Variants in SATB2 observed in about 807,000 individuals in gnomAD.
SATB2 encodes DNA-binding protein SATB2.
In SATB2, 1 loss-of-function variant was observed where a neutral mutation model predicts 73.4. The ratio of observed to expected loss-of-function variants is 0.01; its 90% confidence interval spans 0.00 to 0.06. The LOEUF (loss-of-function observed/expected upper bound fraction) is 0.06. Among genes scored for constraint, SATB2 ranks in the 10% least tolerant of loss-of-function variants. The pLI is 1.00. For synonymous variants in SATB2, 397 were observed against 367.0 expected (o/e 1.08, Z -0.93); for missense variants, 459 against 945.8 (o/e 0.49, Z 6.75).
rs1316755019 is a variant in SATB2 at position 199,463,490 on chromosome 2, C to G, written c.-141+1346G>C. ...GAAGAGCCCCGAGGCCTCGGCTTGG[C>G]GTCAATGTCCCGCCACCCTCGAGCC... is the stretch of plus-strand genomic sequence containing the variant. On this transcript the variant is annotated intron_variant, in intron 1 of 11. Coordinates refer to the SATB2 transcript ENST00000260926. The surrounding 1 kb of genome is among the most constrained non-coding windows in gnomAD (Gnocchi z 6.4). 1.3e-5 allele frequency among the ~76,000 whole-genome samples: 2 copies of G among 152,186 alleles called. No homozygotes were observed. Among genetic ancestry groups the G allele is most frequent in the South Asian group, 2.1e-4 (1 of 4,828 alleles).
intron 10 of SATB2, among the ~76,000 whole-genome samples, chr2:199,281,809 G>C (rs1692506429): frequency 6.6e-6 from 1 of 151,762 alleles, no homozygotes; most frequent in Non-Finnish European, 1.5e-5. Context: ...CTACATATTG[G>C]CATACCATAT....
intron 9 of SATB2, 81 bp from the exon 10 acceptor site, chr2:199,309,038 C>T: frequency 9.1e-7 from 1 of 1,097,814 alleles, no homozygotes; most frequent in Non-Finnish European, 1.4e-6. Context: ...CCAGTGCCAT[C>T]ACAGTACATC....
intron 6 of SATB2, 26 bp downstream of exon 6, chr2:199,368,579 C>T: frequency 7.5e-7 from 1 of 1,331,014 alleles, no homozygotes; most frequent in Non-Finnish European, 1.1e-6. Flanking sequence ...TGAAAACAGG[C>T]TTTACAAACA....
chr2:199,324,116 T>G (rs1197479840), intron 8 of SATB2, among the ~76,000 whole-genome samples, 158 bp from the exon 9 acceptor site: 3 of 152,194 alleles, frequency 2.0e-5, no homozygotes. Context: ...TAATTGTGAT[T>G]GGAAATAATT....
intron 2 of SATB2, among the ~76,000 whole-genome samples, chr2:199,444,810 A>G (rs1042614787): frequency 2.0e-5 from 3 of 152,226 alleles, no homozygotes; most frequent in African/African-American, 7.2e-5. Context: ...GATAGAAGAA[A>G]CTATACATGA....
chr2:199,320,759 T>C (rs531291478), intron 9 of SATB2, among the ~76,000 whole-genome samples: 39 of 152,230 alleles, frequency 2.6e-4, no homozygotes, highest in African/African-American at 9.1e-4. Context: ...TGGACCACCA[T>C]TCCTACTCTC....
Position 199,349,165 on chromosome 2 carries a change from C to T in SATB2, c.709G>A (p.Val237Met), listed in dbSNP as rs1377492362. ...KKYKKIKVERVERENLSDYCV... is the reference protein window; with the variant it reads ...KKYKKIKVERMERENLSDYCV... ...TAGTCTGAAAGGTTTTCTCGTTCCA[C>T]TCTTTCCACTGTTAAGAGATAAAAG... Residue 237 changes from valine (V) to methionine (M), a missense_variant, in exon 7 of 11, where the codon GTG (valine) becomes ATG (methionine). Physicochemically the swap from Val to Met is conservative, Grantham distance 21. Coordinates refer to ENST00000417098, the MANE Select transcript of SATB2 (RefSeq NM_001172509.2). 1 of 1,610,912 alleles carries T rather than the reference C, an allele frequency of 6.2e-7. No homozygotes were observed. Among genetic ancestry groups the T allele is most frequent in the Non-Finnish European group, 8.5e-7 (1 of 1,177,588 alleles).
At chr2:199,302,455 C>T (rs1687312552) in intron 10 of SATB2, among the ~76,000 whole-genome samples, 2 of 152,158 alleles carry the variant, frequency 1.3e-5, no homozygotes, top group Non-Finnish European at 2.9e-5. Flanking sequence ...ATAATATCAA[C>T]ATGAAAAATG....
intron 3 of SATB2, among the ~76,000 whole-genome samples, chr2:199,399,956 C>G (rs1052955781): frequency 1.3e-5 from 2 of 152,148 alleles, no homozygotes; most frequent in African/African-American, 4.8e-5. Context: ...GAATAGATGA[C>G]TTGCCTAAGG....
intron 3 of SATB2, among the ~76,000 whole-genome samples, chr2:199,425,158 T>C (rs1252003387): frequency 6.6e-6 from 1 of 152,188 alleles, no homozygotes; most frequent in Non-Finnish European, 1.5e-5. Context: ...GTTTCACACT[T>C]GAAACTCCTA....
intron 10 of SATB2, among the ~76,000 whole-genome samples, chr2:199,307,772 A>AAACC (rs1386136974): frequency 6.6e-6 from 1 of 152,190 alleles, no homozygotes; most frequent in Non-Finnish European, 1.5e-5. Context: ...AAGGAGACAG[A>AAACC]AACCTCAGGT....
chr2:199,419,049 A>G (rs1691086837), intron 3 of SATB2, among the ~76,000 whole-genome samples: 1 of 152,170 alleles, frequency 6.6e-6, no homozygotes, highest in Non-Finnish European at 1.5e-5. Context: ...ACAGACAACC[A>G]TGCTCTCGTT....
intron 7 of SATB2, among the ~76,000 whole-genome samples, chr2:199,334,991 G>T (rs1408993996): frequency 6.6e-6 from 1 of 151,948 alleles, no homozygotes; most frequent in Non-Finnish European, 1.5e-5. Flanking sequence ...TATGAATCTG[G>T]CTGCTGAAAT....
chr2:199,439,361 T>C (rs1056386190), intron 2 of SATB2, among the ~76,000 whole-genome samples: 2 of 152,174 alleles, frequency 1.3e-5, no homozygotes, highest in Admixed American at 6.5e-5. Flanking sequence ...ATCTGTCTCT[T>C]GAAGGAAGGC....
At chr2:199,446,483 GA>G (rs906466851) in intron 2 of SATB2, among the ~76,000 whole-genome samples, 2 of 149,824 alleles carry the variant, frequency 1.3e-5, no homozygotes, top group South Asian at 2.1e-4. Context: ...GTGATCGTAT[GA>G]AAAAAAAACC....
At chr2:199,356,897 A>G (rs1406573709) in intron 6 of SATB2, among the ~76,000 whole-genome samples, 1 of 152,206 alleles carries the variant, frequency 6.6e-6, no homozygotes, top group Non-Finnish European at 1.5e-5. Flanking sequence ...TCCCTGACAC[A>G]TCATTATCGT....
At chr2:199,293,252 T>C (rs1692925999) in intron 10 of SATB2, among the ~76,000 whole-genome samples, 1 of 152,150 alleles carries the variant, frequency 6.6e-6, no homozygotes, top group Non-Finnish European at 1.5e-5. Context: ...GTTTTTCTCC[T>C]GTTTTCTTTT....
intron 3 of SATB2, among the ~76,000 whole-genome samples, chr2:199,384,644 T>C (rs1689875341): frequency 6.6e-6 from 1 of 152,242 alleles, no homozygotes; most frequent in South Asian, 2.1e-4. Context: ...CCATAGTGAC[T>C]AAGAATGCAG....
chr2:199,421,616 G>C (rs1691172161), intron 3 of SATB2, among the ~76,000 whole-genome samples: 1 of 152,200 alleles, frequency 6.6e-6, no homozygotes, highest in Non-Finnish European at 1.5e-5. Context: ...TAAGCAGTCA[G>C]TAACCAACCC....
Sources: allele counts gnomAD v4.1 joint callset (sites outside exome capture counted in the v4.1 genomes callset), GRCh38; gene constraint gnomAD v4.1.1; non-coding constraint Gnocchi (gnomAD v3.1); transcripts MANE v1.5; gene names NCBI Gene and HGNC (gene_info 2026-07-23, HGNC 2026-07-21).